PCDH9: variants seen among roughly 807,000 people sequenced by gnomAD.
PCDH9 encodes protocadherin 9.
A neutral mutation model predicts 70.6 loss-of-function variants in PCDH9; 24 were observed. The observed-to-expected ratio is 0.34, with a 90% CI of 0.25 to 0.48. PCDH9 has a LOEUF of 0.48. PCDH9 is among the 20% of genes least tolerant of loss of function. PCDH9 has a pLI of 0.99. For missense variants in PCDH9, 1,281 were observed against 1,503.6 expected (o/e 0.85, Z 2.45); for synonymous variants, 562 against 558.5 (o/e 1.01, Z -0.09).
intron 4 of PCDH9, among the ~76,000 whole-genome samples, chr13:66,436,318 A>C (rs1547318): frequency 0.38 from 57,750 of 151,870 alleles, 11,886 homozygotes; most frequent in East Asian, 0.51. Context: ...TGCCTTGTGA[A>C]GACACAGCAA....
intron 4 of PCDH9, among the ~76,000 whole-genome samples, chr13:66,426,094 T>C (rs1482139131): frequency 1.3e-5 from 2 of 151,654 alleles, no homozygotes; most frequent in African/African-American, 2.4e-5. Flanking sequence ...AGGAGTATAG[T>C]TTCTTCATTT....
intron 2 of PCDH9, among the ~76,000 whole-genome samples, chr13:67,097,548 A>G (rs1326019319): frequency 6.6e-6 from 1 of 152,214 alleles, no homozygotes; most frequent in Admixed American, 6.5e-5. Context: ...TTATGTCTAT[A>G]ACAGTAACTA....
chr13:67,020,357 C>A (rs571311164), intron 2 of PCDH9, among the ~76,000 whole-genome samples: 1 of 152,106 alleles, frequency 6.6e-6, no homozygotes, highest in African/African-American at 2.4e-5. Context: ...ATCTGCAGTA[C>A]GTGAAGAGTC....
chr13:66,370,093 T>A (rs903230209), intron 4 of PCDH9, among the ~76,000 whole-genome samples: 1 of 152,098 alleles, frequency 6.6e-6, no homozygotes, highest in East Asian at 1.9e-4. Context: ...CAACACTGAC[T>A]CTAGGTCCCT....
At chr13:67,201,475 A>C (rs1171931673) in intron 2 of PCDH9, 2 of 152,028 alleles carry the variant, frequency 1.3e-5, no homozygotes, top group Admixed American at 1.3e-4. Context: ...ATGTTACTTA[A>C]ATTCCCATTC....
intron 3 of PCDH9, among the ~76,000 whole-genome samples, chr13:66,701,801 CA>C (rs1303953120): frequency 6.6e-6 from 1 of 151,958 alleles, no homozygotes; most frequent in South Asian, 2.1e-4. Context: ...TAAAAATTAG[CA>C]AAAAAATTCA....
chr13:66,995,235 T>C (rs2084088006), intron 2 of PCDH9, among the ~76,000 whole-genome samples: 1 of 152,236 alleles, frequency 6.6e-6, no homozygotes, highest in African/African-American at 2.4e-5. Flanking sequence ...CTTTCAAATG[T>C]AAAGCATGGT....
intron 2 of PCDH9, among the ~76,000 whole-genome samples, chr13:66,975,539 A>C (rs2083602075): frequency 6.6e-6 from 1 of 152,046 alleles, no homozygotes; most frequent in Admixed American, 6.6e-5. Flanking sequence ...CAGCTAGTGA[A>C]ATGAAATCAT....
chr13:66,531,331 T>C (rs757235843), intron 4 of PCDH9, among the ~76,000 whole-genome samples: 1 of 152,076 alleles, frequency 6.6e-6, no homozygotes, highest in Non-Finnish European at 1.5e-5. Flanking sequence ...AAAACAACAG[T>C]CTTTATCCCC....
At chr13:67,222,275 A>G (rs2089745964) in intron 2 of PCDH9, 1 of 147,596 alleles carries the variant, frequency 6.8e-6, no homozygotes, top group Admixed American at 6.8e-5. Context: ...TTACCGAGAC[A>G]TGACCTTTTG....
chr13:67,150,577 C>G (rs2087632514), intron 2 of PCDH9, among the ~76,000 whole-genome samples: 1 of 152,018 alleles, frequency 6.6e-6, no homozygotes, highest in Non-Finnish European at 1.5e-5. Flanking sequence ...TTGGTTTTGC[C>G]CTAATAATAA....
intron 3 of PCDH9, among the ~76,000 whole-genome samples, chr13:66,718,347 C>T (rs554583437): frequency 6.6e-6 from 1 of 152,074 alleles, no homozygotes; most frequent in South Asian, 2.1e-4. Flanking sequence ...AAGTTTTATT[C>T]GTGTACAAAT....
intron 3 of PCDH9, chr13:66,876,975 A>T (rs958655330): frequency 2.6e-5 from 4 of 152,100 alleles, no homozygotes; most frequent in African/African-American, 9.7e-5. Flanking sequence ...GATTTAACTG[A>T]GTAGATTAAA....
intron 4 of PCDH9, among the ~76,000 whole-genome samples, chr13:66,466,170 C>A (rs576151649): frequency 4.0e-5 from 6 of 151,888 alleles, no homozygotes; most frequent in Non-Finnish European, 8.8e-5. Context: ...TATCCCTTCT[C>A]TCTATTTTTC....
intron 3 of PCDH9, among the ~76,000 whole-genome samples, chr13:66,657,544 G>T (rs2077948876): frequency 6.6e-6 from 1 of 152,114 alleles, no homozygotes; most frequent in Non-Finnish European, 1.5e-5. Flanking sequence ...CTCCAAATGT[G>T]ACTTTAAACA....
chr13:66,916,812 T>C (rs2082565434), intron 2 of PCDH9, among the ~76,000 whole-genome samples: 1 of 151,458 alleles, frequency 6.6e-6, no homozygotes, highest in African/African-American at 2.4e-5. Flanking sequence ...TGAAGAAGAA[T>C]AGAAATTTGC....
intron 2 of PCDH9, among the ~76,000 whole-genome samples, chr13:66,915,540 T>C (rs1345295457): frequency 6.6e-6 from 1 of 151,802 alleles, no homozygotes; most frequent in Admixed American, 6.6e-5. Flanking sequence ...GGTGTTCTTA[T>C]ATCATTATGG....
At chr13:66,828,801 C>T (rs553057553) in intron 3 of PCDH9, among the ~76,000 whole-genome samples, 4 of 130,794 alleles carry the variant, frequency 3.1e-5, no homozygotes, top group East Asian at 2.1e-4. Context: ...TTGTTGTAAG[C>T]CATACATAAA....
At chr13:67,199,338 G>T (rs1421331872) in intron 2 of PCDH9, among the ~76,000 whole-genome samples, 1 of 151,508 alleles carries the variant, frequency 6.6e-6, no homozygotes, top group Non-Finnish European at 1.5e-5. Context: ...GCTGTTTAAA[G>T]GTTAGTCATA....
Sources: allele counts gnomAD v4.1 joint callset (sites outside exome capture counted in the v4.1 genomes callset), GRCh38; gene constraint gnomAD v4.1.1; transcripts MANE v1.5; gene names NCBI Gene and HGNC (gene_info 2026-07-23, HGNC 2026-07-21).